GYG2: variants seen among roughly 807,000 people sequenced by gnomAD.
GYG2 encodes the protein glycogenin-2.
Under a neutral mutation model 29.4 loss-of-function variants are expected in GYG2, and 29 were observed. The ratio of observed to expected loss-of-function variants is 0.99; its 90% CI spans 0.74 to 1.35. GYG2 has a LOEUF of 1.35. Among genes scored for constraint, GYG2 ranks in the 40% most tolerant of loss-of-function variants. The pLI, the probability that GYG2 is intolerant of heterozygous loss-of-function variation, is 0.00. For synonymous variants in GYG2, 167 were observed against 172.3 expected (o/e 0.97, Z 0.24); for missense variants, 370 against 385.7 (o/e 0.96, Z 0.34).
At chrX:2,837,351 T>G (rs2087396532) in intron 2 of GYG2, among the ~76,000 whole-genome samples, 1 of 112,217 alleles carries the variant, frequency 8.9e-6, no homozygotes, top group African/African-American at 3.2e-5. Context: ...CTGCAAAGCT[T>G]GCTCTTGCAG....
chrX:2,837,989 C>T (rs1418512405), intron 2 of GYG2, among the ~76,000 whole-genome samples: 14 of 108,006 alleles, frequency 1.3e-4, no homozygotes, highest in African/African-American at 2.7e-4. Context: ...ACAATCCTGC[C>T]GTCTCAGCTT....
chrX:2,843,900 C>A (rs751473640), intron 3 of GYG2, among the ~76,000 whole-genome samples: 1 of 112,237 alleles, frequency 8.9e-6, no homozygotes, highest in Non-Finnish European at 1.9e-5. Context: ...GGTTGGCCTC[C>A]CAAAGTGCTG....
chrX:2,874,210 T>C (rs963122783), intron 8 of GYG2, among the ~76,000 whole-genome samples: 1 of 113,097 alleles, frequency 8.8e-6, no homozygotes, highest in African/African-American at 3.2e-5. Context: ...AAAGTTTCAG[T>C]AAATCTCACT....
At chrX:2,860,612 C>CT (rs1424602035) in intron 7 of GYG2, among the ~76,000 whole-genome samples, 1 of 92,074 alleles carries the variant, frequency 1.1e-5, no homozygotes, top group Non-Finnish European at 2.1e-5. Flanking sequence ...TTCCTAATGG[C>CT]TTTTTTCACT....
chrX:2,854,076 C>T lies in GYG2; in HGVS notation c.246C>T (p.Leu82=), dbSNP rs886542819. The T allele has an allele frequency of 3.3e-6, 4 of 1,204,527 alleles. No homozygotes were observed. The highest frequency in any genetic ancestry group is 1.8e-5 in the South Asian group (1 of 56,513). Reference sequence around the variant, plus strand: ...TGGCCTTTCTGAAGAGACCTGAGCTCGGGCTCACCCTCACCAAGCTTCACT... The same window carrying T: ...TGGCCTTTCTGAAGAGACCTGAGCTTGGGCTCACCCTCACCAAGCTTCACT... ...IHLAFLKRPE[L]GLTLTKLHCW... The change falls in exon 4 of 11, where the codon CTC becomes CTT. Residue 82 remains leucine, a synonymous_variant. Coordinates refer to ENST00000398806, the MANE Select transcript of GYG2 (RefSeq NM_001079855.2).
chrX:2,846,034 C>T (rs866909711), intron 3 of GYG2, among the ~76,000 whole-genome samples: 2 of 24,799 alleles, frequency 8.1e-5, no homozygotes, highest in South Asian at 4.1e-3. Flanking sequence ...CATATATATA[C>T]ACATATATAT....
rs781004232 is a variant in GYG2, at chrX:2,877,284, C to T, written c.1228C>T (p.Pro410Ser). 19 of 1,208,404 alleles carry T rather than the reference C, an allele frequency of 1.6e-5. No individual in the cohort carries two copies. Among genetic ancestry groups the T allele is most frequent in the African/African-American group, 1.4e-4 (8 of 57,002 alleles). Reference protein sequence around the residue: ...QELPAEALRDPSLQDALEVDL... With the variant: ...QELPAEALRDSSLQDALEVDL... ...ACTCCCTGCTGAGGCTCTCAGGGAC[C>T]CCAGTCTGCAGGATGCACTGGAGGT... Residue 410 changes from proline (P) to serine (S), a missense_variant, in exon 10 of 11, where the codon CCC becomes TCC. Pro to Ser is a moderately conservative substitution (Grantham distance 74). Transcript: ENST00000398806.
intron 8 of GYG2, among the ~76,000 whole-genome samples, chrX:2,873,045 G>C (rs928181892): frequency 8.9e-6 from 1 of 111,915 alleles, no homozygotes; most frequent in Admixed American, 9.5e-5. Flanking sequence ...GCTAGTTCTC[G>C]TATGTTGGGC....
intron 4 of GYG2, among the ~76,000 whole-genome samples, chrX:2,854,608 G>T (rs2087937836): frequency 1.8e-5 from 2 of 111,856 alleles, no homozygotes; most frequent in Admixed American, 1.9e-4. Flanking sequence ...TATAACCACA[G>T]TATTTTACAC....
rs1269351399 is a variant in GYG2, at chrX:2,875,879, C to T, written c.1108C>T (p.Gln370Ter). ...TGACCCACTGTCCCAGCCTTCCCCT[C>T]AGCCTGCAGACTTCACAGAGACTGA... ...TCDPLSQPSP[Q>*]PADFTETETI... Residue 370 changes from glutamine (Q) to a stop codon, truncating the protein, a stop_gained, in exon 9 of 11, where the codon CAG becomes TAG. Coordinates refer to ENST00000398806, the MANE Select transcript of GYG2 (RefSeq NM_001079855.2). LOFTEE classifies it high-confidence loss of function. The T allele has an allele frequency of 3.4e-6, 4 of 1,182,822 alleles. No homozygotes were observed. The East Asian group carries it at 1.2e-4, about 35-fold the overall frequency.
At chrX:2,868,807 T>C (rs2088374100) in intron 8 of GYG2, among the ~76,000 whole-genome samples, 1 of 111,123 alleles carries the variant, frequency 9.0e-6, no homozygotes, top group Non-Finnish European at 1.9e-5. Context: ...CTGCACATCC[T>C]GCACACGTAT....
Position 2,856,607 on chromosome X carries a change from C to A in GYG2, c.597C>A (p.Tyr199Ter), listed in dbSNP as rs1453601793. The A allele has an allele frequency of 1.4e-5, 17 of 1,206,450 alleles. No individual in the cohort carries two copies. Among genetic ancestry groups the A allele is most frequent in the Non-Finnish European group, 1.9e-5 (17 of 892,016 alleles). Reference sequence around the variant, plus strand: ...TGAGTAGTAACACGATGTACACTTACAGCCCTGCCTTCAAGCAGTAAGTTC... The same window carrying A: ...TGAGTAGTAACACGATGTACACTTAAAGCCCTGCCTTCAAGCAGTAAGTTC... ...YNLSSNTMYT[Y>*]SPAFKQFGSS... The change falls in exon 6 of 11, where the codon TAC becomes TAA. Residue 199 changes from tyrosine to a stop codon, truncating the protein, a stop_gained. Coordinates refer to ENST00000398806, the MANE Select transcript of GYG2 (RefSeq NM_001079855.2). LOFTEE classifies it high-confidence loss of function.
intron 3 of GYG2, among the ~76,000 whole-genome samples, chrX:2,850,902 G>A (rs1266496586): frequency 1.8e-5 from 2 of 111,251 alleles, no homozygotes; most frequent in Admixed American, 1.9e-4. Context: ...CTCACACAAA[G>A]CCTGTTTGGT....
intron 2 of GYG2, chrX:2,842,940 G>T (rs1204545528): frequency 2.9e-5 from 10 of 348,463 alleles, no homozygotes; most frequent in Admixed American, 1.1e-4. Context: ...CAGCCTCTCC[G>T]AGTAGCTGTA....
At chrX:2,870,358 C>T (rs1055588485) in intron 8 of GYG2, among the ~76,000 whole-genome samples, 62 of 110,632 alleles carry the variant, frequency 5.6e-4, no homozygotes, top group African/African-American at 1.9e-3. Context: ...TCCGCCACTA[C>T]ACCTGGCTAA....
intron 8 of GYG2, among the ~76,000 whole-genome samples, chrX:2,871,886 C>T (rs1002732149): frequency 4.5e-5 from 5 of 111,630 alleles, no homozygotes; most frequent in African/African-American, 1.6e-4. Flanking sequence ...TAGCATTCAC[C>T]ACCTCCAGCA....
At chrX:2,838,424 C>CCTCCT (rs1441443185) in intron 2 of GYG2, among the ~76,000 whole-genome samples, 1 of 97,640 alleles carries the variant, frequency 1.0e-5, no homozygotes, top group Non-Finnish European at 2.1e-5. Context: ...CTCTCTCTCC[C>CCTCCT]CTCCTCTCCT....
At chrX:2,832,582 T>C (rs751455176) in intron 2 of GYG2, among the ~76,000 whole-genome samples, 20 of 111,385 alleles carry the variant, frequency 1.8e-4, no homozygotes, top group Middle Eastern at 4.6e-3. Context: ...TCGCCCAGGC[T>C]GGAGTGCGAT....
intron 10 of GYG2, among the ~76,000 whole-genome samples, chrX:2,878,829 G>A (rs1473280731): frequency 8.9e-6 from 1 of 112,162 alleles, no homozygotes; most frequent in Non-Finnish European, 1.9e-5. Flanking sequence ...GGAGCAGCTT[G>A]TTGTTTTCTT....
Sources: allele counts gnomAD v4.1 joint callset (sites outside exome capture counted in the v4.1 genomes callset), GRCh38; gene constraint gnomAD v4.1.1; transcripts MANE v1.5; gene names NCBI Gene and HGNC (gene_info 2026-07-23, HGNC 2026-07-21).